The following NRXN3 variants were observed in gnomAD, a reference collection of about 807,000 sequenced individuals.
NRXN3 encodes the protein neurexin III.
In NRXN3, 32 loss-of-function variants were observed where a neutral mutation model predicts 137.6. That is an observed-to-expected ratio of 0.23 (90% CI 0.18 to 0.31). The LOEUF is 0.31. Ranked by LOEUF, NRXN3 falls within the 10% of genes least tolerant of loss-of-function variation. The probability of loss-of-function intolerance (pLI) is 1.00; values close to 1 mark genes in which losing one functional copy is unlikely to be tolerated. For missense variants in NRXN3, 1,574 were observed against 2,062.5 expected, an observed-to-expected ratio of 0.76 and a Z score of 4.59; for synonymous variants, 798 against 784.5, an observed-to-expected ratio of 1.02 and a Z score of -0.29.
intron 15 of NRXN3, among the ~76,000 whole-genome samples, chr14:79,339,070 C>A (rs2092448268): frequency 6.6e-6 from 1 of 152,260 alleles, no homozygotes; most frequent in East Asian, 1.9e-4. Flanking sequence ...CCTCCCTCCC[C>A]ACCCACTGAC....
At position 79,079,836 on chromosome 14, in the gene NRXN3, A is replaced by T. The variant is rs1487176985; in HGVS notation, c.3262+91695A>T. 3.9e-5 allele frequency among the ~76,000 whole-genome samples: 6 copies of T among 152,010 alleles called. No individual in the cohort carries two copies. In the South Asian group the frequency reaches 1.2e-3, roughly 32 times the overall value. On this transcript the variant is annotated intron_variant, in intron 15 of 20. Transcript: ENST00000335750. ...AACCCTGTCTCTACTAAAAATACAAAAATTAGCCGGGCGTGGTGGTGCACA... is the reference window on the plus strand; with the variant it reads ...AACCCTGTCTCTACTAAAAATACAATAATTAGCCGGGCGTGGTGGTGCACA...
intron 4 of NRXN3, among the ~76,000 whole-genome samples, chr14:78,417,217 G>A (rs2093188614): frequency 6.6e-6 from 1 of 152,194 alleles, no homozygotes; most frequent in African/African-American, 2.4e-5. Context: ...CTGCCCACCT[G>A]TCCAGCTTCA....
At chr14:79,282,947 A>G (rs1373365794) in intron 15 of NRXN3, among the ~76,000 whole-genome samples, 1 of 151,992 alleles carries the variant, frequency 6.6e-6, no homozygotes, top group Non-Finnish European at 1.5e-5. Flanking sequence ...AAATATCCCT[A>G]CCTCTGGCTT....
rs754439173 is a variant in NRXN3 at position 78,719,148 on chromosome 14, T to C, written c.2044+4009T>C. Among the ~76,000 whole-genome samples the C allele has an allele frequency of 1.3e-5, 2 of 152,236 alleles. 1 individual carries two copies. Among genetic ancestry groups the C allele is most frequent in the Non-Finnish European group, 2.9e-5 (2 of 68,032 alleles). ...TTTTAGACCATTGCTGAATCTATGC[T>C]CTTCCCTGAATGGCTTTTTCTAAAC... On this transcript the variant is annotated intron_variant, in intron 8 of 20. Coordinates refer to ENST00000335750, the MANE Select transcript of NRXN3 (RefSeq NM_001330195.2).
At chr14:78,715,278 T>A in intron 8 of NRXN3, 139 bp downstream of exon 8, 1 of 1,083,108 alleles carries the variant, frequency 9.2e-7, no homozygotes, top group Non-Finnish European at 1.3e-6. Flanking sequence ...GATTTCCAGA[T>A]TGCACCCTTT....
At chr14:79,084,437 T>G (rs2152773044) in intron 15 of NRXN3, among the ~76,000 whole-genome samples, 1 of 152,294 alleles carries the variant, frequency 6.6e-6, no homozygotes, top group Admixed American at 6.5e-5. Flanking sequence ...AAAGGGATAT[T>G]ATTTAAAAAT....
rs1448963313 is a variant in NRXN3, at chr14:79,861,737, G to A, written c.4489G>A (p.Gly1497Arg). The A allele has an allele frequency of 3.1e-6, 5 of 1,613,900 alleles. No homozygotes were observed. The highest frequency in any genetic ancestry group is 4.2e-6 in the Non-Finnish European group (5 of 1,180,008). ...EVIRESSSTT[G>R]MVVGIVAAAA... is the part of the protein sequence containing the mutation. ...GATCCGGGAGTCGAGCAGCACAACAGGGATGGTCGTCGGCATTGTGGCTGC... is the reference window on the plus strand; with the variant it reads ...GATCCGGGAGTCGAGCAGCACAACAAGGATGGTCGTCGGCATTGTGGCTGC... Residue 1497 changes from glycine (G) to arginine (R), a missense_variant, in exon 21 of 21, where the codon GGG (glycine) becomes AGG (arginine). Coordinates refer to ENST00000335750, the MANE Select transcript of NRXN3 (RefSeq NM_001330195.2). The surrounding 1 kb of genome is among the most constrained non-coding windows in gnomAD (Gnocchi z 5.4).
intron 10 of NRXN3, among the ~76,000 whole-genome samples, chr14:78,877,443 C>T (rs745812833): frequency 6.6e-6 from 1 of 152,142 alleles, no homozygotes; most frequent in Non-Finnish European, 1.5e-5. Flanking sequence ...TTTTCACTCT[C>T]ACTCCATTTC....
rs1434327010 is a variant in NRXN3, at chr14:78,590,330, G to A, written c.758-54790G>A. ...ATTCCCCTTACCTGTACAATGCAGG[G>A]GTGAGACTCAATCCTTTCTTGAGTC... On this transcript the variant is annotated intron_variant, in intron 4 of 20. Coordinates refer to ENST00000335750, the MANE Select transcript of NRXN3 (RefSeq NM_001330195.2). Among the ~76,000 whole-genome samples the A allele has an allele frequency of 2.6e-5, 4 of 152,288 alleles. No individual in the cohort carries two copies. The South Asian group carries it at 8.3e-4, about 32-fold the overall frequency.
intron 20 of NRXN3, among the ~76,000 whole-genome samples, chr14:79,831,854 GTT>G (rs1246415769): frequency 1.3e-5 from 2 of 152,114 alleles, no homozygotes; most frequent in Non-Finnish European, 2.9e-5. Flanking sequence ...TTAGTTTGCA[GTT>G]TACTTTGCTC....
chr14:79,351,811 A>G (rs1231471048), intron 15 of NRXN3, among the ~76,000 whole-genome samples: 1 of 152,150 alleles, frequency 6.6e-6, no homozygotes, highest in Non-Finnish European at 1.5e-5. Flanking sequence ...CAGAGTGCAT[A>G]TTTTAACTTT....
intron 15 of NRXN3, chr14:79,314,135 G>T (rs9671356): frequency 6.6e-6 from 1 of 151,324 alleles, no homozygotes; most frequent in Non-Finnish European, 1.5e-5. Context: ...GGTGATTTCT[G>T]CATTTCCATC....
chr14:79,820,507 T>C (rs2099268398), intron 20 of NRXN3, among the ~76,000 whole-genome samples: 1 of 152,178 alleles, frequency 6.6e-6, no homozygotes, highest in Non-Finnish European at 1.5e-5. Context: ...CCTTAAGAAG[T>C]TTTTGTTTCT....
chr14:79,445,849 GT>G (rs1252564064), intron 15 of NRXN3, among the ~76,000 whole-genome samples: 1 of 152,142 alleles, frequency 6.6e-6, no homozygotes, highest in East Asian at 1.9e-4. Flanking sequence ...GTTGTAAAGA[GT>G]TTCATTTCAT....
At chr14:78,876,601 G>A (rs2099114426) in intron 10 of NRXN3, among the ~76,000 whole-genome samples, 1 of 152,160 alleles carries the variant, frequency 6.6e-6, no homozygotes, top group Non-Finnish European at 1.5e-5. Context: ...TTTACTTGTA[G>A]GACTTATTAA....
chr14:79,781,239 G>A (rs2099112884), intron 19 of NRXN3, among the ~76,000 whole-genome samples: 1 of 152,034 alleles, frequency 6.6e-6, no homozygotes, highest in African/African-American at 2.4e-5. Flanking sequence ...ATATACTACA[G>A]TTTGGTTCAT....
intron 4 of NRXN3, among the ~76,000 whole-genome samples, chr14:78,536,797 C>T (rs10135469): frequency 0.35 from 51,122 of 147,828 alleles, 9,963 homozygotes; most frequent in Non-Finnish European, 0.41. Context: ...TGATGTTCCC[C>T]GGCCTGTGTC....
intron 4 of NRXN3, among the ~76,000 whole-genome samples, chr14:78,439,199 A>G (rs2094165010): frequency 6.6e-6 from 1 of 152,160 alleles, no homozygotes; most frequent in South Asian, 2.1e-4. Flanking sequence ...TCAAAACCCC[A>G]GAGGAGGGAA....
chr14:78,209,654 G>A (rs2062554135), intron 1 of NRXN3, among the ~76,000 whole-genome samples: 1 of 152,100 alleles, frequency 6.6e-6, no homozygotes, highest in Non-Finnish European at 1.5e-5. Flanking sequence ...CACGAGAACA[G>A]CATAGGGGAG....
Sources: gnomAD v4.1 joint callset for allele counts (sites outside exome capture counted in the v4.1 genomes callset) on GRCh38, gnomAD v4.1.1 for gene constraint, Gnocchi (gnomAD v3.1) non-coding constraint, MANE v1.5 for transcripts, NCBI Gene and HGNC (gene_info 2026-07-23, HGNC 2026-07-21) for gene names.